Variants in DTL observed in about 807,000 individuals in gnomAD.
The protein encoded by DTL is denticleless E3 ubiquitin protein ligase adapter.
DTL carries 46 observed loss-of-function variants against 87.0 expected under a neutral mutation model. The observed-to-expected ratio is 0.53, with a 90% confidence interval of 0.42 to 0.68. DTL has a LOEUF of 0.68. Ranked by LOEUF, DTL falls within the 30% of genes least tolerant of loss-of-function variation. The pLI is 0.00. For missense variants in DTL, 737 were observed against 869.4 expected (o/e 0.85, Z 1.91); for synonymous variants, 308 against 311.2 (o/e 0.99, Z 0.11).
At chr1:212,059,855 A>C (rs1468263627) in intron 5 of DTL, among the ~76,000 whole-genome samples, 1 of 151,472 alleles carries the variant, frequency 6.6e-6, no homozygotes, top group Non-Finnish European at 1.5e-5. Flanking sequence ...ATCAACATAC[A>C]AAAAAAATAG....
At chr1:212,090,667 C>T (rs1024344280) in intron 13 of DTL, among the ~76,000 whole-genome samples, 2 of 152,258 alleles carry the variant, frequency 1.3e-5, no homozygotes, top group African/African-American at 4.8e-5. Context: ...ATACAGAAGT[C>T]CTATTTACTA....
intron 5 of DTL, among the ~76,000 whole-genome samples, chr1:212,053,747 A>G (rs3010016): frequency 0.083 from 12,652 of 151,852 alleles, 749 homozygotes; most frequent in African/African-American, 0.17. Flanking sequence ...CACCACACCC[A>G]GCTAATTTTT....
At chr1:212,061,378 G>A (rs1432420637) in intron 5 of DTL, among the ~76,000 whole-genome samples, 1 of 151,902 alleles carries the variant, frequency 6.6e-6, no homozygotes, top group African/African-American at 2.4e-5. Flanking sequence ...TCTTAACCCA[G>A]TTAGAATGGC....
chr1:212,068,096 A>G (rs1279731420), intron 8 of DTL, 128 bp from the exon 9 acceptor site: 1 of 590,792 alleles, frequency 1.7e-6, no homozygotes, highest in Non-Finnish European at 3.0e-6. Flanking sequence ...TTCCCAATGA[A>G]ATATCCTTAC....
intron 7 of DTL, 104 bp downstream of exon 7, chr1:212,065,133 G>T: frequency 1.2e-6 from 1 of 843,760 alleles, no homozygotes; most frequent in South Asian, 1.7e-5. Flanking sequence ...ATTCTCATTT[G>T]ATATCAGTGG....
At chr1:212,093,688 A>G (rs1056087653) in intron 13 of DTL, among the ~76,000 whole-genome samples, 2 of 151,806 alleles carry the variant, frequency 1.3e-5, no homozygotes, top group African/African-American at 4.8e-5. Flanking sequence ...ACGACCAGCC[A>G]CTTGTGTCTT....
chr1:212,101,069 GAA>G lies in DTL; in HGVS notation c.2081_2082del (p.Lys694IlefsTer21). On this transcript the variant is annotated frameshift_variant, in exon 14 of 15. Transcript: ENST00000366991. LOFTEE classifies it high-confidence loss of function. ...CCAATTCCAGGAGACAGAGCGGAAA[GAA>G]ATTGCCAAGCCCGGTAAGTCAGCAG... ...TPNSRRQSGK[K>X]LPSPVTITPS... is the part of the protein sequence containing the mutation. The G allele has an allele frequency of 6.2e-7, 1 of 1,607,910 alleles. No homozygotes were observed. Among genetic ancestry groups the G allele is most frequent in the Non-Finnish European group, 8.5e-7 (1 of 1,177,194 alleles).
chr1:212,042,982 T>C lies in DTL; in HGVS notation c.53-11T>C, dbSNP rs1182343701. 2 of 1,588,172 alleles carry C rather than the reference T, an allele frequency of 1.3e-6. No homozygotes were observed. Among genetic ancestry groups the C allele is most frequent in the East Asian group, 2.3e-5 (1 of 43,920 alleles). ...TGTATTGGAATTCTATAAGGAATTA[T>C]CTTGTTTTAGGATGGTCTTCACAAT... is the stretch of plus-strand genomic sequence containing the variant. On this transcript the variant is annotated splice_polypyrimidine_tract_variant and intron_variant, in intron 1 of 14. Transcript: ENST00000366991.
At chr1:212,072,287 A>T in intron 11 of DTL, 74 bp downstream of exon 11, 2 of 1,183,900 alleles carry the variant, frequency 1.7e-6, no homozygotes, top group Admixed American at 1.7e-5. Flanking sequence ...CCAATATGAG[A>T]TAAGTTTAAT....
At chr1:212,040,803 A>G (rs1339019679) in intron 1 of DTL, among the ~76,000 whole-genome samples, 1 of 152,240 alleles carries the variant, frequency 6.6e-6, no homozygotes, top group Non-Finnish European at 1.5e-5. Flanking sequence ...GGGATGATTC[A>G]TATCCTGGAC....
chr1:212,037,282 GTT>G (rs1207665629), intron 1 of DTL, among the ~76,000 whole-genome samples: 5 of 152,078 alleles, frequency 3.3e-5, no homozygotes, highest in Admixed American at 6.5e-5. Flanking sequence ...CTCATTCGTT[GTT>G]ACATAATAGT....
intron 5 of DTL, 124 bp downstream of exon 5, chr1:212,047,541 A>T: frequency 7.5e-7 from 1 of 1,327,140 alleles, no homozygotes; most frequent in Non-Finnish European, 1.0e-6. Flanking sequence ...GATGATTAAG[A>T]TTCTTTTTTT....
chr1:212,051,165 G>A (rs1012212525), intron 5 of DTL, among the ~76,000 whole-genome samples: 4 of 151,780 alleles, frequency 2.6e-5, no homozygotes, highest in Admixed American at 6.6e-5. Flanking sequence ...CATCCTACTT[G>A]TGTTGACCCA....
At chr1:212,040,628 G>A (rs1667611739) in intron 1 of DTL, among the ~76,000 whole-genome samples, 1 of 152,170 alleles carries the variant, frequency 6.6e-6, no homozygotes, top group South Asian at 2.1e-4. Flanking sequence ...AATGACGTAG[G>A]CAGGCACTGT....
At chr1:212,047,061 C>A in intron 3 of DTL, 90 bp from the exon 4 acceptor site, 2 of 1,175,066 alleles carry the variant, frequency 1.7e-6, no homozygotes, top group East Asian at 2.4e-5. Flanking sequence ...CTTTTTACTA[C>A]TACAGCTTTC....
At chr1:212,079,583 G>T (rs1358741573) in intron 12 of DTL, among the ~76,000 whole-genome samples, 2 of 152,052 alleles carry the variant, frequency 1.3e-5, no homozygotes, top group African/African-American at 4.8e-5. Context: ...TTTGATTGTG[G>T]TTACTTTGGG....
intron 12 of DTL, 73 bp from the exon 13 acceptor site, chr1:212,080,542 A>T: frequency 6.8e-7 from 1 of 1,464,758 alleles, no homozygotes; most frequent in Non-Finnish European, 9.4e-7. Flanking sequence ...AGGCCTTAAG[A>T]CACACCTGTT....
intron 13 of DTL, among the ~76,000 whole-genome samples, chr1:212,083,206 C>G (rs570987795): frequency 6.6e-6 from 1 of 152,192 alleles, no homozygotes; most frequent in South Asian, 2.1e-4. Context: ...ACATGGATGG[C>G]GGCAGGCAAA....
rs562052730 is a variant in DTL, at chr1:212,049,213, A to G, written c.460+1796A>G. Among the ~76,000 whole-genome samples the G allele has an allele frequency of 1.1e-3, 160 of 152,326 alleles. 1 individual carries two copies. The highest frequency in any genetic ancestry group is 3.6e-3 in the African/African-American group (150 of 41,578). ...GCTGAGATTACAGGCATGAGCCACCATGCCCAGCCTGGCTTGGACTTTTAA... is the reference window on the plus strand; with the variant it reads ...GCTGAGATTACAGGCATGAGCCACCGTGCCCAGCCTGGCTTGGACTTTTAA... On this transcript the variant is annotated intron_variant, in intron 5 of 14. Transcript: ENST00000366991.
Sources: allele counts gnomAD v4.1 joint callset (sites outside exome capture counted in the v4.1 genomes callset), GRCh38; gene constraint gnomAD v4.1.1; transcripts MANE v1.5; gene names NCBI Gene and HGNC (gene_info 2026-07-23, HGNC 2026-07-21).